B3GALT1: variants seen among roughly 807,000 people sequenced by gnomAD.
The protein encoded by B3GALT1 is beta-1,3-galactosyltransferase 1, also known as UDP-Gal:betaGlcNAc beta 1,3-galactosyltransferase, polypeptide 1.
Under a neutral mutation model 23.2 loss-of-function variants are expected in B3GALT1, and 10 were observed. That is an observed-to-expected ratio of 0.43 (90% CI 0.27 to 0.73). The LOEUF is 0.73. Among genes scored for constraint, B3GALT1 ranks in the 30% least tolerant of loss-of-function variants. The pLI, the probability that B3GALT1 is intolerant of heterozygous loss-of-function variation, is 0.21. For missense variants in B3GALT1, 299 were observed against 405.4 expected, an observed-to-expected ratio of 0.74 and a Z score of 2.25; for synonymous variants, 156 against 141.5, an observed-to-expected ratio of 1.10 and a Z score of -0.73.
In B3GALT1 at chr2:167,400,166, C is replaced by CTG. The variant is rs149993955; in HGVS notation, c.-510-89985_-510-89984dup. Among the ~76,000 whole-genome samples the CTG allele has an allele frequency of 8.0e-3, 1,165 of 145,802 alleles. 14 individuals carry two copies. The highest frequency in any genetic ancestry group is 0.026 in the African/African-American group (1,038 of 39,748). On this transcript the variant is annotated intron_variant, in intron 1 of 4. Coordinates refer to ENST00000392690, the MANE Select transcript of B3GALT1 (RefSeq NM_020981.4). ...GAGTTATGAAATTTTACATCTATGT[C>CTG]TGTGTGTGTGTGTGTGTGTGTGTGT... is the stretch of plus-strand genomic sequence containing the variant.
At chr2:167,609,881 A>C (rs1477179495) in intron 2 of B3GALT1, among the ~76,000 whole-genome samples, 2 of 152,142 alleles carry the variant, frequency 1.3e-5, no homozygotes, top group Non-Finnish European at 2.9e-5. Flanking sequence ...AGAATAAAGA[A>C]ATAGATGTGG....
intron 1 of B3GALT1, among the ~76,000 whole-genome samples, chr2:167,479,727 T>C (rs931563050): frequency 2.6e-5 from 4 of 152,258 alleles, no homozygotes; most frequent in South Asian, 4.2e-4. Flanking sequence ...GGGTTTTTCT[T>C]GCCTGCTGCA....
intron 2 of B3GALT1, among the ~76,000 whole-genome samples, chr2:167,497,476 G>A (rs756385460): frequency 1.3e-5 from 2 of 152,114 alleles, no homozygotes; most frequent in Non-Finnish European, 2.9e-5. Context: ...CAATTGTACC[G>A]ATCACCAACT....
At chr2:167,411,338 T>A (rs1698387324) in intron 1 of B3GALT1, among the ~76,000 whole-genome samples, 1 of 134,952 alleles carries the variant, frequency 7.4e-6, no homozygotes. Context: ...ATAACCAGAA[T>A]ATGTAAGAAG....
chr2:167,320,579 G>T (rs1227941828), intron 1 of B3GALT1, among the ~76,000 whole-genome samples: 5 of 151,980 alleles, frequency 3.3e-5, no homozygotes, highest in Non-Finnish European at 7.4e-5. Flanking sequence ...TTCTGTTAAA[G>T]AATAAAAGCC....
At chr2:167,595,696 A>G (rs1355654170) in intron 2 of B3GALT1, among the ~76,000 whole-genome samples, 1 of 152,222 alleles carries the variant, frequency 6.6e-6, no homozygotes, top group East Asian at 1.9e-4. Flanking sequence ...AATGTTTAAT[A>G]TTAATTCCAC....
intron 2 of B3GALT1, among the ~76,000 whole-genome samples, chr2:167,528,051 A>G (rs1683251834): frequency 6.6e-6 from 1 of 152,190 alleles, no homozygotes; most frequent in Admixed American, 6.5e-5. Flanking sequence ...GTTGCAATAT[A>G]CCATCAAGAG....
intron 4 of B3GALT1, among the ~76,000 whole-genome samples, chr2:167,822,759 C>T (rs927711244): frequency 3.3e-5 from 5 of 152,182 alleles, no homozygotes; most frequent in Non-Finnish European, 5.9e-5. Flanking sequence ...TCAAAATTCA[C>T]TCCTCCACAT....
intron 3 of B3GALT1, among the ~76,000 whole-genome samples, chr2:167,708,941 T>A (rs887803294): frequency 4.3e-4 from 66 of 152,342 alleles, no homozygotes; most frequent in Non-Finnish European, 7.9e-4. Context: ...TTTAAAATAT[T>A]TTTTCTCCTC....
chr2:167,532,830 TAGAG>T (rs1683351647), intron 2 of B3GALT1, among the ~76,000 whole-genome samples: 2 of 151,102 alleles, frequency 1.3e-5, no homozygotes, highest in South Asian at 4.2e-4. Context: ...TGTCTGCAGA[TAGAG>T]AAAGACAGTT....
At chr2:167,764,263 G>A (rs775230923) in intron 3 of B3GALT1, among the ~76,000 whole-genome samples, 1 of 152,148 alleles carries the variant, frequency 6.6e-6, no homozygotes, top group Non-Finnish European at 1.5e-5. Context: ...AGTCGCCACT[G>A]TCATATTCAG....
chr2:167,387,736 G>A (rs537237436), intron 1 of B3GALT1, among the ~76,000 whole-genome samples: 5 of 152,106 alleles, frequency 3.3e-5, no homozygotes, highest in African/African-American at 1.2e-4. Flanking sequence ...AAATAACTAA[G>A]CCATACAATA....
intron 3 of B3GALT1, among the ~76,000 whole-genome samples, chr2:167,771,520 G>A (rs113567959): frequency 0.022 from 3,418 of 152,272 alleles, 61 homozygotes; most frequent in Non-Finnish European, 0.036. Flanking sequence ...GCAGTGAGCC[G>A]AGATCGCGCC....
At chr2:167,308,089 A>G (rs1362617796) in intron 1 of B3GALT1, among the ~76,000 whole-genome samples, 1 of 152,072 alleles carries the variant, frequency 6.6e-6, no homozygotes, top group Non-Finnish European at 1.5e-5. Flanking sequence ...TGTGTTAGAA[A>G]TAGAATTGTT....
intron 1 of B3GALT1, among the ~76,000 whole-genome samples, chr2:167,424,247 A>G (rs1698590791): frequency 6.6e-6 from 1 of 152,226 alleles, no homozygotes; most frequent in Non-Finnish European, 1.5e-5. Context: ...ACAGAAAACA[A>G]TGTCTTCCTA....
rs1479787734 is a variant in B3GALT1, at chr2:167,709,744, ATCTC to A, written c.-352+62781_-352+62784del. On this transcript the variant is annotated intron_variant, in intron 3 of 4. Coordinates refer to ENST00000392690, the MANE Select transcript of B3GALT1 (RefSeq NM_020981.4). The stretch of plus-strand genomic sequence containing the variant: ...TCGCCATGAGAAGTGGTAGGTATAT[ATCTC>A]TCATTTCCAAAGATAAGAGCCTGAC... Among the ~76,000 whole-genome samples, 8 of 152,220 alleles carry A rather than the reference ATCTC, an allele frequency of 5.3e-5. No homozygotes were observed. The East Asian group carries it at 1.5e-3, about 29-fold the overall frequency.
chr2:167,547,327 C>G (rs1683655491), intron 2 of B3GALT1, among the ~76,000 whole-genome samples: 1 of 152,160 alleles, frequency 6.6e-6, no homozygotes, highest in Non-Finnish European at 1.5e-5. Context: ...TTTTGGGTTA[C>G]ATTATCTTCT....
At chr2:167,796,781 G>A (rs1483013425) in intron 3 of B3GALT1, among the ~76,000 whole-genome samples, 1 of 151,952 alleles carries the variant, frequency 6.6e-6, no homozygotes, top group Non-Finnish European at 1.5e-5. Flanking sequence ...TGAAACACAT[G>A]AAGGTTTTAT....
chr2:167,729,312 C>T (rs1373243710), intron 3 of B3GALT1, among the ~76,000 whole-genome samples: 1 of 152,182 alleles, frequency 6.6e-6, no homozygotes, highest in Non-Finnish European at 1.5e-5. Flanking sequence ...TCTTAATTTA[C>T]CCTAGGGATT....
Sources: allele counts gnomAD v4.1 joint callset (sites outside exome capture counted in the v4.1 genomes callset), GRCh38; gene constraint gnomAD v4.1.1; transcripts MANE v1.5; gene names NCBI Gene and HGNC (gene_info 2026-07-23, HGNC 2026-07-21).